ABTB3: variants seen among roughly 807,000 people sequenced by gnomAD.
The protein encoded by ABTB3 is ankyrin repeat and BTB domain containing 3.
the ABTB3 span, among the ~76,000 whole-genome samples, chr12:107,472,501 C>T: frequency 2.0e-5 from 3 of 152,266 alleles, no homozygotes; most frequent in African/African-American, 7.2e-5. Flanking sequence ...AGCTGTGTGA[C>T]CTTAGGCAAT....
At chr12:107,404,401 G>T in the ABTB3 span, among the ~76,000 whole-genome samples, 1 of 152,062 alleles carries the variant, frequency 6.6e-6, no homozygotes, top group Non-Finnish European at 1.5e-5. Flanking sequence ...CTTGTAGTTT[G>T]GGGAACTGGC....
At chr12:107,378,177 C>T in the ABTB3 span, among the ~76,000 whole-genome samples, 1 of 152,194 alleles carries the variant, frequency 6.6e-6, no homozygotes, top group African/African-American at 2.4e-5. Context: ...GTGACTCAAC[C>T]TTGGGCATGT....
the ABTB3 span, among the ~76,000 whole-genome samples, chr12:107,546,054 C>T: frequency 1.3e-5 from 2 of 152,216 alleles, no homozygotes; most frequent in African/African-American, 4.8e-5. Flanking sequence ...TCTTCTTCTC[C>T]TAGCATCTTA....
the ABTB3 span, among the ~76,000 whole-genome samples, chr12:107,580,301 T>C: frequency 3.9e-5 from 6 of 152,260 alleles, no homozygotes; most frequent in African/African-American, 1.4e-4. Flanking sequence ...TCTTCTCCAG[T>C]AATCCTAATG....
chr12:107,360,930 A>ATTTTTTTTTTT, the ABTB3 span, among the ~76,000 whole-genome samples: 184 of 84,452 alleles, frequency 2.2e-3, 4 homozygotes, highest in East Asian at 3.9e-3. Context: ...ATTTAATTTA[A>ATTTTTTTTTTT]TTTTTTTTTT....
the ABTB3 span, among the ~76,000 whole-genome samples, chr12:107,651,475 T>TC: frequency 1.3e-5 from 2 of 149,436 alleles, no homozygotes; most frequent in African/African-American, 4.9e-5. Flanking sequence ...CCCCTCCCGC[T>TC]CCCCCGTCTT....
the ABTB3 span, among the ~76,000 whole-genome samples, chr12:107,570,405 G>T: frequency 1.3e-5 from 2 of 152,080 alleles, no homozygotes; most frequent in Non-Finnish European, 2.9e-5. Context: ...AGTGGAGATG[G>T]TGTTTCTCCA....
chr12:107,482,940 C>G, the ABTB3 span, among the ~76,000 whole-genome samples: 1 of 20,760 alleles, frequency 4.8e-5, no homozygotes, highest in African/African-American at 1.8e-4. Flanking sequence ...TTCTTTCTTT[C>G]TTTCTTTCTT....
At chr12:107,574,281 T>G in the ABTB3 span, among the ~76,000 whole-genome samples, 14,245 of 152,284 alleles carry the variant, frequency 0.094, 753 homozygotes, top group Middle Eastern at 0.12. Context: ...CCTGGACCTG[T>G]GACCCCTTTT....
chr12:107,529,176 ATGG>A, the ABTB3 span, among the ~76,000 whole-genome samples: 366 of 136,908 alleles, frequency 2.7e-3, 5 homozygotes, highest in African/African-American at 9.5e-3. Context: ...GATGATGGTG[ATGG>A]TGATGATGAT....
At chr12:107,373,751 G>A in the ABTB3 span, among the ~76,000 whole-genome samples, 1 of 152,236 alleles carries the variant, frequency 6.6e-6, no homozygotes, top group Non-Finnish European at 1.5e-5. Flanking sequence ...TGGAGCCCAG[G>A]TGTCTGGGCT....
chr12:107,384,129 C>A, the ABTB3 span, among the ~76,000 whole-genome samples: 2 of 152,216 alleles, frequency 1.3e-5, no homozygotes, highest in Non-Finnish European at 1.5e-5. Flanking sequence ...TGAGAACTCA[C>A]ATGTCTGGGA....
At chr12:107,445,487 C>A in the ABTB3 span, among the ~76,000 whole-genome samples, 1 of 152,122 alleles carries the variant, frequency 6.6e-6, no homozygotes, top group Non-Finnish European at 1.5e-5. Flanking sequence ...CTCCTGTGAG[C>A]CATGCTGAGG....
At chr12:107,432,405 G>T in the ABTB3 span, among the ~76,000 whole-genome samples, 1 of 152,230 alleles carries the variant, frequency 6.6e-6, no homozygotes, top group Non-Finnish European at 1.5e-5. Flanking sequence ...AGGCCTGTCA[G>T]CTCCTTCGAA....
At chr12:107,459,231 T>A in the ABTB3 span, among the ~76,000 whole-genome samples, 3 of 152,196 alleles carry the variant, frequency 2.0e-5, no homozygotes, top group African/African-American at 4.8e-5. Flanking sequence ...CAAAGCCACA[T>A]GCTAGTCAGT....
At chr12:107,463,047 GTGA>G in the ABTB3 span, among the ~76,000 whole-genome samples, 10 of 151,554 alleles carry the variant, frequency 6.6e-5, no homozygotes, top group Non-Finnish European at 1.5e-4. Context: ...GGTAGTGATG[GTGA>G]TGATGGTGAT....
the ABTB3 span, among the ~76,000 whole-genome samples, chr12:107,575,215 T>C: frequency 6.6e-6 from 1 of 152,216 alleles, no homozygotes; most frequent in East Asian, 1.9e-4. Context: ...GGCTATAGCA[T>C]CTGCAGAGGT....
At chr12:107,484,085 G>C in the ABTB3 span, among the ~76,000 whole-genome samples, 1 of 152,164 alleles carries the variant, frequency 6.6e-6, no homozygotes. Context: ...GCTGTCCATT[G>C]AGTGCCATCC....
At chr12:107,651,440 A>G in the ABTB3 span, among the ~76,000 whole-genome samples, 3 of 152,076 alleles carry the variant, frequency 2.0e-5, no homozygotes, top group African/African-American at 7.2e-5. Flanking sequence ...ATGGGTATGA[A>G]TTGAGTTTGC....
Sources: allele counts gnomAD v4.1 joint callset (sites outside exome capture counted in the v4.1 genomes callset), GRCh38; gene constraint gnomAD v4.1.1; transcripts MANE v1.5; gene names NCBI Gene and HGNC (gene_info 2026-07-23, HGNC 2026-07-21).